Variants in DLC1 observed in about 807,000 individuals in gnomAD.
DLC1 encodes the protein DLC1 Rho GTPase activating protein.
Under a neutral mutation model 140.3 loss-of-function variants are expected in DLC1, and 54 were observed. The observed-to-expected ratio is 0.38, with a 90% CI of 0.31 to 0.48. The LOEUF (loss-of-function observed/expected upper bound fraction) is 0.48. Among genes scored for constraint, DLC1 ranks in the 20% least tolerant of loss-of-function variants. The pLI is 0.96. For missense variants in DLC1, 2,536 were observed against 1,907.0 expected (o/e 1.33, Z -6.14); for synonymous variants, 986 against 728.1 (o/e 1.35, Z -5.70).
chr8:13,601,137 A>G lies in DLC1; in HGVS notation c.-126+3400T>C, dbSNP rs140209578. 9.2e-4 allele frequency among the ~76,000 whole-genome samples: 140 copies of G among 151,876 alleles called. 1 individual carries two copies. The highest frequency in any genetic ancestry group is 3.1e-3 in the African/African-American group (129 of 41,510). The stretch of plus-strand genomic sequence containing the variant: ...ATATTATTTTAGGTGTGCAGTGTCA[A>G]GCAGTTCTAACATAATACTCAGTCT... On this transcript the variant is annotated intron_variant, in intron 1 of 1. Transcript: ENST00000631382.
At chr8:13,439,191 G>C (rs1201164778) in intron 2 of DLC1, among the ~76,000 whole-genome samples, 1 of 152,148 alleles carries the variant, frequency 6.6e-6, no homozygotes, top group Admixed American at 6.5e-5. Context: ...GGGCGTGGTG[G>C]TGTGCACCTG....
In DLC1 at chr8:13,088,561, G is replaced by A. The variant is rs771784483; in HGVS notation, c.4218C>T (p.Asp1406=). 30 of 1,614,056 alleles carry A rather than the reference G, an allele frequency of 1.9e-5. No individual in the cohort carries two copies. Among genetic ancestry groups the A allele is most frequent in the Non-Finnish European group, 2.5e-5 (29 of 1,180,036 alleles). The change falls in exon 16 of 18, where the codon GAC becomes GAT. Residue 1406 remains aspartate, a synonymous_variant. Transcript: ENST00000276297. ...CATACTGGTAAATTTCAGTTTGGCT[G>A]TCCAGAATTTCGATCACTTTTGAAT... ...LLDSKVIEIL[D]SQTEIYQYVQ... is the part of the protein sequence containing the mutation.
At chr8:13,276,113 G>A in intron 5 of DLC1, 1 of 1,189,474 alleles carries the variant, frequency 8.4e-7, no homozygotes, top group East Asian at 2.9e-5. Context: ...TAGAGAAAGG[G>A]AGACCGAACA....
Position 13,094,228 on chromosome 8 carries a change from A to G in DLC1, c.3526+531T>C, listed in dbSNP as rs142110638. 8.2e-4 allele frequency among the ~76,000 whole-genome samples: 125 copies of G among 152,338 alleles called. 1 individual carries two copies. The highest frequency in any genetic ancestry group is 2.8e-3 in the African/African-American group (117 of 41,576). The stretch of plus-strand genomic sequence containing the variant: ...TTCATTTTGCACGTAAAAACGTACA[A>G]TTGCATCAGTCATTAGAGACTGGGA... On this transcript the variant is annotated intron_variant, in intron 12 of 17. Transcript: ENST00000276297.
intron 4 of DLC1, among the ~76,000 whole-genome samples, chr8:13,360,892 C>G (rs893584534): frequency 7.7e-6 from 1 of 129,408 alleles, no homozygotes; most frequent in Non-Finnish European, 1.7e-5. Flanking sequence ...TTTTTTTTTT[C>G]TTTTTCACCT....
At chr8:13,139,601 C>T (rs556819395) in intron 5 of DLC1, among the ~76,000 whole-genome samples, 1 of 152,174 alleles carries the variant, frequency 6.6e-6, no homozygotes, top group African/African-American at 2.4e-5. Context: ...GATAAATCAA[C>T]CAGCATGCTT....
intron 1 of DLC1, among the ~76,000 whole-genome samples, chr8:13,532,609 G>A (rs183442416): frequency 2.6e-4 from 40 of 152,230 alleles, no homozygotes; most frequent in Non-Finnish European, 4.6e-4. Context: ...AGATATGTGA[G>A]TGGATTCTCA....
At chr8:13,423,168 GTCTT>G (rs1165571618) in intron 2 of DLC1, among the ~76,000 whole-genome samples, 1 of 152,130 alleles carries the variant, frequency 6.6e-6, no homozygotes, top group African/African-American at 2.4e-5. Context: ...TGGCATGCAT[GTCTT>G]TCTATTTTTC....
At position 13,547,749 on chromosome 8, in the gene DLC1, C is replaced by T. The variant is rs572852539; in HGVS notation, c.-125-47553G>A. 6.4e-4 allele frequency among the ~76,000 whole-genome samples: 98 copies of T among 152,146 alleles called. 1 individual carries two copies. Among genetic ancestry groups the T allele is most frequent in the Non-Finnish European group, 1.0e-3 (68 of 67,948 alleles). On this transcript the variant is annotated intron_variant, in intron 1 of 1. Coordinates refer to the DLC1 transcript ENST00000631382. ...TCTATCTGCACTCATCTATCAATCC[C>T]TAACTTCATATCCCTGCCTACTCTT...
intron 5 of DLC1, among the ~76,000 whole-genome samples, chr8:13,132,066 C>A (rs1822142234): frequency 6.6e-6 from 1 of 152,098 alleles, no homozygotes; most frequent in African/African-American, 2.4e-5. Context: ...ATAGTCGGGT[C>A]GGGAGGCGAG....
At position 13,120,356 on chromosome 8, in the gene DLC1, A is replaced by AAAAAAAAAAAATATATATATAT; in HGVS notation, c.1349-4700_1349-4699insATATATATATATTTTTTTTTTT. Reference sequence around the variant, plus strand: ...AGACTCCGTCGCAAAAAAAAAAAAAAATATATATATATATAAAATGTATAT... The same window carrying AAAAAAAAAAAATATATATATAT: ...AGACTCCGTCGCAAAAAAAAAAAAAAAAAAAAAAAAATATATATATATATATATATATATATAAAATGTATAT... On this transcript the variant is annotated intron_variant, in intron 5 of 17. Coordinates refer to ENST00000276297, the MANE Select transcript of DLC1 (RefSeq NM_182643.3). 2.1e-3 allele frequency among the ~76,000 whole-genome samples: 130 copies of AAAAAAAAAAAATATATATATAT among 61,020 alleles called. 1 individual carries two copies. Among genetic ancestry groups the AAAAAAAAAAAATATATATATAT allele is most frequent in the African/African-American group, 3.5e-3 (83 of 24,012 alleles). 40.0% of individuals were successfully genotyped at this position (61,020 alleles called of 152,430 possible).
At chr8:13,566,760 C>G (rs898548063) in intron 1 of DLC1, 1 of 538,058 alleles carries the variant, frequency 1.9e-6, no homozygotes, top group South Asian at 3.5e-5. Flanking sequence ...GCAGCGCAAG[C>G]GCAGTGGGCG....
At chr8:13,593,807 C>T (rs965725914) in intron 1 of DLC1, among the ~76,000 whole-genome samples, 4 of 152,170 alleles carry the variant, frequency 2.6e-5, no homozygotes, top group South Asian at 2.1e-4. Context: ...AAATCAATTT[C>T]GCACATCCTT....
chr8:13,411,877 A>G (rs1837799021), intron 2 of DLC1, among the ~76,000 whole-genome samples: 1 of 152,144 alleles, frequency 6.6e-6, no homozygotes, highest in East Asian at 1.9e-4. Context: ...TTAGTGTTTT[A>G]GGTAAATCCC....
At chr8:13,413,836 C>A (rs1339710846) in intron 2 of DLC1, among the ~76,000 whole-genome samples, 1 of 152,026 alleles carries the variant, frequency 6.6e-6, no homozygotes, top group Non-Finnish European at 1.5e-5. Context: ...CAGTTAAAGC[C>A]CCTTTCTTTA....
chr8:13,373,649 T>C (rs866504413), intron 4 of DLC1, among the ~76,000 whole-genome samples: 1 of 152,226 alleles, frequency 6.6e-6, no homozygotes, highest in African/African-American at 2.4e-5. Flanking sequence ...TGTATTACTT[T>C]CAGAAAGTAC....
chr8:13,200,481 G>A (rs1827318847), intron 5 of DLC1, among the ~76,000 whole-genome samples: 1 of 152,134 alleles, frequency 6.6e-6, no homozygotes, highest in South Asian at 2.1e-4. Context: ...AGACGAATTG[G>A]TTTAGGAACC....
chr8:13,388,781 C>T (rs1174064019), intron 4 of DLC1, among the ~76,000 whole-genome samples: 1 of 151,854 alleles, frequency 6.6e-6, no homozygotes, highest in East Asian at 1.9e-4. Context: ...TATATGTAAA[C>T]ATATCTATAA....
chr8:13,337,372 A>G (rs997677303), intron 4 of DLC1, among the ~76,000 whole-genome samples: 1 of 152,206 alleles, frequency 6.6e-6, no homozygotes, highest in Non-Finnish European at 1.5e-5. Flanking sequence ...ATTTGTAATT[A>G]AGGATGAATT....
Sources: gnomAD v4.1 joint callset for allele counts (sites outside exome capture counted in the v4.1 genomes callset) on GRCh38, gnomAD v4.1.1 for gene constraint, MANE v1.5 for transcripts, NCBI Gene and HGNC (gene_info 2026-07-23, HGNC 2026-07-21) for gene names.